Variants in REL observed in about 807,000 individuals in gnomAD.
REL encodes proto-oncogene c-Rel.
A neutral mutation model predicts 45.9 loss-of-function variants in REL; 15 were observed. The ratio of observed to expected loss-of-function variants is 0.33; its 90% CI spans 0.22 to 0.50. The LOEUF (loss-of-function observed/expected upper bound fraction) is 0.50, where lower values mean the gene tolerates loss of function less well. REL is among the 20% of genes least tolerant of loss of function. REL has a pLI of 0.98. For synonymous variants in REL, 239 were observed against 242.1 expected (o/e 0.99, Z 0.12); for missense variants, 601 against 715.2 (o/e 0.84, Z 1.82).
intron 3 of REL, among the ~76,000 whole-genome samples, chr2:60,897,072 C>T (rs911564389): frequency 6.6e-6 from 1 of 151,404 alleles, no homozygotes; most frequent in Non-Finnish European, 1.5e-5. Flanking sequence ...AAGAACTTTC[C>T]CTTCCTCTCT....
chr2:60,910,247 C>T (rs1378410215), intron 4 of REL, among the ~76,000 whole-genome samples: 3 of 151,610 alleles, frequency 2.0e-5, no homozygotes, highest in Admixed American at 1.3e-4. Flanking sequence ...GCGCAGATCA[C>T]GAGTTCAGGA....
chr2:60,888,962 C>G (rs1041245600), intron 1 of REL, among the ~76,000 whole-genome samples: 3 of 152,154 alleles, frequency 2.0e-5, no homozygotes, highest in Non-Finnish European at 2.9e-5. Context: ...ACATTGCTTT[C>G]TTTTTTCTAT....
chr2:60,918,510 A>G lies in REL; in HGVS notation c.757A>G (p.Ile253Val), dbSNP rs778190569. Residue 253 changes from isoleucine to valine, a missense_variant, in exon 7 of 10, where the codon ATC becomes GTC. By Grantham distance (29) the Ile-to-Val change is conservative (BLOSUM62 3). This residue lies in a region of REL where 241 missense variants were observed against 347.0 expected (regional missense o/e 0.69). Coordinates refer to ENST00000394479, the MANE Select transcript of REL (RefSeq NM_001291746.2). The part of the protein sequence containing the change: ...VFKTPPYCKA[I>V]TEPVTVKMQL... Reference sequence around the variant, plus strand: ...CAAAACTCCACCATATTGCAAAGCTATCACAGAACCCGTAACAGTAAAAAT... The same window carrying G: ...CAAAACTCCACCATATTGCAAAGCTGTCACAGAACCCGTAACAGTAAAAAT... The G allele has an allele frequency of 2.1e-5, 34 of 1,614,052 alleles. No individual in the cohort carries two copies. Among genetic ancestry groups the G allele is most frequent in the African/African-American group, 5.3e-5 (4 of 74,932 alleles).
chr2:60,901,119 G>T, intron 4 of REL, 36 bp downstream of exon 4: 2 of 1,456,118 alleles, frequency 1.4e-6, no homozygotes, highest in South Asian at 1.4e-5. Flanking sequence ...CTATTTATTT[G>T]GGTGTTGATT....
At chr2:60,903,776 C>G (rs917422134) in intron 4 of REL, among the ~76,000 whole-genome samples, 2 of 152,168 alleles carry the variant, frequency 1.3e-5, no homozygotes, top group Non-Finnish European at 1.5e-5. Flanking sequence ...AGTGATCCTC[C>G]TGCCTCAGCC....
chr2:60,918,564 G>T lies in REL; in HGVS notation c.811G>T (p.Val271Phe), dbSNP rs1674047473. ...MQLRRPSDQE[V>F]SESMDFRYLP... is the part of the protein sequence containing the mutation. ...GTTGCGGAGACCTTCTGACCAGGAA[G>T]TTAGTGAATCTATGGATTTTAGATA... The change falls in exon 7 of 10, where the codon GTT (valine) becomes TTT (phenylalanine). Residue 271 changes from valine (V) to phenylalanine (F), a missense_variant. Val to Phe is a conservative substitution (Grantham distance 50, BLOSUM62 -1). Transcript: ENST00000394479. 1.2e-6 allele frequency: 2 copies of T among 1,613,950 alleles called. No homozygotes were observed. Among genetic ancestry groups the T allele is most frequent in the Non-Finnish European group, 1.7e-6 (2 of 1,179,956 alleles).
At position 60,925,166 on chromosome 2, in the gene REL, C is replaced by T. The variant is rs1431019712; in HGVS notation, c.*2631C>T. ...AATTAACTTTACCTAGTTTGTTTTA[C>T]AACTAGAACCTGCCCTAAATGTTGA... On this transcript the variant is annotated 3_prime_UTR_variant, in exon 10 of 10. Transcript: ENST00000394479. The T allele has an allele frequency of 5.0e-6, 1 of 200,078 alleles. No individual in the cohort carries two copies. Among genetic ancestry groups the T allele is most frequent in the Non-Finnish European group, 1.0e-5 (1 of 96,788 alleles). The allele number at this position is 200,078 out of a possible 1,614,324, so 12.4% of individuals were successfully genotyped here. A position where few individuals can be genotyped will look rare whatever the true frequency, so the allele number is the denominator to read the frequency against.
intron 4 of REL, among the ~76,000 whole-genome samples, chr2:60,904,506 G>C (rs1209636137): frequency 1.3e-5 from 2 of 151,830 alleles, no homozygotes; most frequent in Non-Finnish European, 2.9e-5. Flanking sequence ...AGGAGGCGGA[G>C]GTTGTGGTGA....
At chr2:60,909,826 C>A (rs550621437) in intron 4 of REL, among the ~76,000 whole-genome samples, 1 of 151,914 alleles carries the variant, frequency 6.6e-6, no homozygotes, top group African/African-American at 2.4e-5. Context: ...ATCAGTTGAA[C>A]CAGGAGGCGG....
At chr2:60,918,673 T>A in intron 7 of REL, 67 bp downstream of exon 7, 1 of 1,072,982 alleles carries the variant, frequency 9.3e-7, no homozygotes, top group Non-Finnish European at 1.4e-6. Flanking sequence ...CATCTTCTTG[T>A]AATATTCATT....
Position 60,891,749 on chromosome 2 carries a change from A to G in REL, c.77A>G (p.Lys26Arg), listed in dbSNP as rs750889525. The G allele has an allele frequency of 1.2e-6, 2 of 1,614,096 alleles. No homozygotes were observed. Among genetic ancestry groups the G allele is most frequent in the Non-Finnish European group, 1.7e-6 (2 of 1,179,978 alleles). Residue 26 changes from lysine to arginine, a missense_variant, in exon 2 of 10, where the codon AAA (lysine) becomes AGA (arginine). Lys to Arg is a conservative substitution (Grantham distance 26). This residue lies in a region of REL where 241 missense variants were observed against 347.0 expected (regional missense o/e 0.69). Transcript: ENST00000394479. ...PRQRGMRFRY[K>R]CEGRSAGSIP... ...CAGAGGGGAATGCGTTTTAGATACA[A>G]ATGTGAAGGGCGATCAGCAGGCAGC...
At chr2:60,891,564 T>G in intron 1 of REL, 119 bp from the exon 2 acceptor site, 2 of 882,130 alleles carry the variant, frequency 2.3e-6, no homozygotes, top group South Asian at 4.0e-5. Flanking sequence ...TGTTATTTAA[T>G]GTTAGGAGGA....
At chr2:60,896,869 A>G (rs1051870573) in intron 3 of REL, among the ~76,000 whole-genome samples, 4 of 152,144 alleles carry the variant, frequency 2.6e-5, no homozygotes, top group African/African-American at 9.7e-5. Context: ...CTCTCTCCCC[A>G]ATTCAGGATC....
At chr2:60,884,494 A>G (rs2103913268) in intron 1 of REL, among the ~76,000 whole-genome samples, 1 of 152,194 alleles carries the variant, frequency 6.6e-6, no homozygotes, top group Non-Finnish European at 1.5e-5. Context: ...TTAATAATAG[A>G]TATAGTGAAG....
chr2:60,890,110 G>C (rs187747280), intron 1 of REL, among the ~76,000 whole-genome samples: 184 of 152,294 alleles, frequency 1.2e-3, no homozygotes, highest in Non-Finnish European at 7.3e-5. Context: ...TCCAGCACCT[G>C]TTGTTTCCTG....
At chr2:60,918,035 T>A (rs759526665) in intron 5 of REL, among the ~76,000 whole-genome samples, 156 bp from the exon 6 acceptor site, 1 of 152,172 alleles carries the variant, frequency 6.6e-6, no homozygotes, top group Non-Finnish European at 1.5e-5. Context: ...AGAAAGGAAG[T>A]GGACAGATAA....
rs181945991 is a variant in REL at position 60,887,024 on chromosome 2, C to T, written c.11-4659C>T. On this transcript the variant is annotated intron_variant, in intron 1 of 9. Coordinates refer to ENST00000394479, the MANE Select transcript of REL (RefSeq NM_001291746.2). ...GTTTTGGTGCTTTTCAAAACTGTGG[C>T]GATTTGAGGTTATCTTAGTTAAGAG... Among the ~76,000 whole-genome samples, 136 of 152,186 alleles carry T rather than the reference C, an allele frequency of 8.9e-4. 1 individual carries two copies. The highest frequency in any genetic ancestry group is 3.0e-3 in the African/African-American group (123 of 41,550).
Position 60,881,915 on chromosome 2 carries a change from G to T in REL, c.10+65G>T, listed in dbSNP as rs528657805. The T allele has an allele frequency of 2.2e-5, 27 of 1,214,212 alleles. 2 individuals are homozygous for T. In the South Asian group the frequency reaches 4.2e-4, roughly 19 times the overall value. The allele number at this position is 1,214,212 out of a possible 1,614,324, so 75.2% of individuals were successfully genotyped here. ...GAGCTCTTCTGAAGGGGGTCCTGCC[G>T]CAGTGAGTTTAGGGAGCTCAGTTTT... is the stretch of plus-strand genomic sequence containing the variant. On this transcript the variant is annotated intron_variant, in intron 1 of 9. Coordinates refer to ENST00000394479, the MANE Select transcript of REL (RefSeq NM_001291746.2).
At position 60,923,536 on chromosome 2, in the gene REL, C is replaced by T. The variant is rs182771190; in HGVS notation, c.*1001C>T. 1.5e-4 allele frequency: 34 copies of T among 232,676 alleles called. No homozygotes were observed. In the Admixed American group the frequency reaches 1.7e-3, roughly 12 times the overall value. 14.4% of individuals were successfully genotyped at this position (232,676 alleles called of 1,614,324 possible). On this transcript the variant is annotated 3_prime_UTR_variant, in exon 10 of 10. Transcript: ENST00000394479. ...TCCAAAACTGAATTCTTGGTCTTCC[C>T]TCCCAAACTTGCTTCTCCTTCAGTC...
Sources: gnomAD v4.1 joint callset for allele counts (sites outside exome capture counted in the v4.1 genomes callset) on GRCh38, gnomAD v4.1.1 for gene constraint, gnomAD v4.1.1 regional missense constraint, MANE v1.5 for transcripts, NCBI Gene and HGNC (gene_info 2026-07-23, HGNC 2026-07-21) for gene names.